Variants in VGLL4 observed in about 807,000 individuals in gnomAD.
VGLL4 encodes the protein transcription cofactor vestigial-like protein 4.
In VGLL4, 7 loss-of-function variants were observed where a neutral mutation model predicts 21.0. The observed-to-expected ratio is 0.33, with a 90% CI of 0.19 to 0.63. The LOEUF is 0.63. Among genes scored for constraint, VGLL4 ranks in the 20% least tolerant of loss-of-function variants. VGLL4 has a pLI of 0.78. For synonymous variants in VGLL4, 222 were observed against 173.2 expected (o/e 1.28, Z -2.21); for missense variants, 394 against 425.7 (o/e 0.93, Z 0.66).
At chr3:11,685,807 A>G (rs6783372) in intron 2 of VGLL4, among the ~76,000 whole-genome samples, 142,330 of 152,198 alleles carry the variant, frequency 0.94, 66,640 homozygotes, top group East Asian at 1. Context: ...AGCTATGATC[A>G]CACTGCTGCA....
At chr3:11,586,741 C>T (rs2074370496) in intron 2 of VGLL4, among the ~76,000 whole-genome samples, 1 of 152,100 alleles carries the variant, frequency 6.6e-6, no homozygotes, top group Admixed American at 6.5e-5. Context: ...GAACCAATCT[C>T]CCAAGGATAT....
At chr3:11,663,856 T>A (rs2076070955) in intron 2 of VGLL4, among the ~76,000 whole-genome samples, 1 of 152,264 alleles carries the variant, frequency 6.6e-6, no homozygotes. Flanking sequence ...TTAATTTCTC[T>A]ATGCTGTAAG....
intron 2 of VGLL4, among the ~76,000 whole-genome samples, chr3:11,675,177 A>G (rs1223123494): frequency 6.6e-6 from 1 of 152,106 alleles, no homozygotes; most frequent in Non-Finnish European, 1.5e-5. Flanking sequence ...ACCTGTCTCT[A>G]CTAAAAATAC....
At chr3:11,574,863 G>GC (rs1411060195) in intron 2 of VGLL4, among the ~76,000 whole-genome samples, 5 of 144,408 alleles carry the variant, frequency 3.5e-5, no homozygotes, top group Middle Eastern at 3.5e-3. Context: ...AGGGCTAGCT[G>GC]CCCCCAAATA....
chr3:11,694,988 T>C (rs1171564178), intron 2 of VGLL4, among the ~76,000 whole-genome samples: 1 of 152,170 alleles, frequency 6.6e-6, no homozygotes, highest in Non-Finnish European at 1.5e-5. Flanking sequence ...TTTTTATGCT[T>C]TATATATTCA....
intron 2 of VGLL4, among the ~76,000 whole-genome samples, chr3:11,579,307 G>C (rs1372164230): frequency 6.6e-6 from 1 of 151,312 alleles, no homozygotes; most frequent in Non-Finnish European, 1.5e-5. Context: ...CAGGTACTTA[G>C]CAAGGCTACT....
At chr3:11,707,385 G>T (rs1009552682) in intron 1 of VGLL4, among the ~76,000 whole-genome samples, 1 of 151,112 alleles carries the variant, frequency 6.6e-6, no homozygotes, top group Non-Finnish European at 1.5e-5. Context: ...TGGTTTGACT[G>T]GAGAGGGTGA....
chr3:11,620,339 G>A (rs2075242173), intron 1 of VGLL4, among the ~76,000 whole-genome samples: 1 of 152,112 alleles, frequency 6.6e-6, no homozygotes, highest in Non-Finnish European at 1.5e-5. Flanking sequence ...GTCAGCAGGA[G>A]TGGCCCAGTG....
At chr3:11,659,136 C>T (rs996592478) in intron 2 of VGLL4, among the ~76,000 whole-genome samples, 3 of 151,998 alleles carry the variant, frequency 2.0e-5, no homozygotes, top group African/African-American at 4.8e-5. Flanking sequence ...TAGAGTGCCA[C>T]GTTAACGAAG....
chr3:11,645,875 G>A (rs1369895107), upstream of VGLL4, among the ~76,000 whole-genome samples: 1 of 152,126 alleles, frequency 6.6e-6, no homozygotes, highest in Non-Finnish European at 1.5e-5. Context: ...GGGAGGCTGA[G>A]GCAGGAGAAT....
rs570480843 is a variant in VGLL4, at chr3:11,635,212, C to T, written c.82+8225G>A. 1.5e-3 allele frequency among the ~76,000 whole-genome samples: 226 copies of T among 152,218 alleles called. 3 individuals are homozygous for T. The highest frequency in any genetic ancestry group is 1.7e-3 in the South Asian group (8 of 4,826). The stretch of plus-strand genomic sequence containing the variant: ...AGGTGAGCTGGCCTTCTTCCAATAA[C>T]GTGGATGGCAAGGACGATACAGTCT... On this transcript the variant is annotated intron_variant, in intron 1 of 4. Transcript: ENST00000430365.
At chr3:11,592,329 A>C in intron 2 of VGLL4, among the ~76,000 whole-genome samples, 1 of 152,230 alleles carries the variant, frequency 6.6e-6, no homozygotes, top group East Asian at 1.9e-4. Context: ...AGCGTAAAGA[A>C]AACCCTTGTT....
chr3:11,582,367 A>G, intron 2 of VGLL4: 1 of 1,568,982 alleles, frequency 6.4e-7, no homozygotes, highest in Non-Finnish European at 8.6e-7. Flanking sequence ...AAACTTGGCA[A>G]GCAGTCTCAG....
At chr3:11,567,065 G>A (rs1220590864) in intron 2 of VGLL4, among the ~76,000 whole-genome samples, 1 of 152,012 alleles carries the variant, frequency 6.6e-6, no homozygotes, top group Non-Finnish European at 1.5e-5. Context: ...GGCTGAGCAG[G>A]AGAAGCACCA....
intron 2 of VGLL4, among the ~76,000 whole-genome samples, chr3:11,578,184 C>T (rs2074110679): frequency 6.6e-6 from 1 of 152,224 alleles, no homozygotes; most frequent in South Asian, 2.1e-4. Context: ...ACCCAAGATG[C>T]CAGTAGGCAC....
intron 2 of VGLL4, among the ~76,000 whole-genome samples, chr3:11,652,106 T>A (rs1388884150): frequency 6.6e-6 from 1 of 152,226 alleles, no homozygotes; most frequent in Non-Finnish European, 1.5e-5. Context: ...ATTTAAATTT[T>A]CAATACAACA....
chr3:11,609,050 T>C (rs1559897574), intron 1 of VGLL4, among the ~76,000 whole-genome samples: 1 of 152,146 alleles, frequency 6.6e-6, no homozygotes, highest in Non-Finnish European at 1.5e-5. Flanking sequence ...AATTTTTTAG[T>C]AGAGATGGGG....
At chr3:11,562,951 G>C (rs930818228) in intron 3 of VGLL4, among the ~76,000 whole-genome samples, 2 of 152,342 alleles carry the variant, frequency 1.3e-5, no homozygotes, top group Admixed American at 1.3e-4. Flanking sequence ...CGTGTGCCGT[G>C]GGCAGCCAGG....
chr3:11,686,902 T>C (rs956068573), intron 2 of VGLL4, among the ~76,000 whole-genome samples: 2 of 152,160 alleles, frequency 1.3e-5, no homozygotes, highest in African/African-American at 4.8e-5. Context: ...TCTAATGAAG[T>C]AGAATAGGAT....
Sources: allele counts gnomAD v4.1 joint callset (sites outside exome capture counted in the v4.1 genomes callset), GRCh38; gene constraint gnomAD v4.1.1; transcripts MANE v1.5; gene names NCBI Gene and HGNC (gene_info 2026-07-23, HGNC 2026-07-21).